Variants in MAP3K14 observed in about 807,000 individuals in gnomAD.
MAP3K14 encodes mitogen-activated protein kinase kinase kinase 14, also known as NF-kappa-beta-inducing kinase.
A neutral mutation model predicts 99.2 loss-of-function variants in MAP3K14; 16 were observed. That is an observed-to-expected ratio of 0.16 (90% CI 0.11 to 0.24). MAP3K14 has a LOEUF of 0.24. Ranked by LOEUF, MAP3K14 falls within the 10% of genes least tolerant of loss-of-function variation. The pLI, the probability that MAP3K14 is intolerant of heterozygous loss-of-function variation, is 1.00. For synonymous variants in MAP3K14, 462 were observed against 492.4 expected, an observed-to-expected ratio of 0.94 and a Z score of 0.82; for missense variants, 784 against 1,208.7, an observed-to-expected ratio of 0.65 and a Z score of 5.21.
At chr17:45,292,330 T>G (rs1054019178) in intron 1 of MAP3K14, among the ~76,000 whole-genome samples, 1 of 152,176 alleles carries the variant, frequency 6.6e-6, no homozygotes, top group Non-Finnish European at 1.5e-5. Context: ...TTTGGGAGGC[T>G]GAGGCAGAAG....
intron 4 of MAP3K14, 24 bp downstream of exon 4, chr17:45,287,130 T>G (rs1281723373): frequency 3.1e-6 from 5 of 1,608,432 alleles, no homozygotes; most frequent in Non-Finnish European, 4.3e-6. Context: ...ACCTGGGGTC[T>G]GGGCAGTGGG....
chr17:45,316,376 A>G (rs1391714198), intron 1 of MAP3K14, among the ~76,000 whole-genome samples: 1 of 152,216 alleles, frequency 6.6e-6, no homozygotes, highest in Non-Finnish European at 1.5e-5. Flanking sequence ...CCCGAGTTGG[A>G]GAGCCCAGAA....
intron 1 of MAP3K14, among the ~76,000 whole-genome samples, chr17:45,306,835 T>G (rs1195235515): frequency 6.6e-6 from 1 of 152,204 alleles, no homozygotes; most frequent in Non-Finnish European, 1.5e-5. Flanking sequence ...ACAGGGGGCA[T>G]CATGGATCCA....
chr17:45,294,978 A>G (rs1175899100), intron 1 of MAP3K14, among the ~76,000 whole-genome samples: 3 of 152,232 alleles, frequency 2.0e-5, no homozygotes, highest in Non-Finnish European at 4.4e-5. Flanking sequence ...TTCTGAGGTG[A>G]TGAGAGCGGT....
chr17:45,300,915 C>T (rs1567999902), intron 1 of MAP3K14, among the ~76,000 whole-genome samples: 1 of 152,114 alleles, frequency 6.6e-6, no homozygotes, highest in African/African-American at 2.4e-5. Context: ...GCCTGTAATA[C>T]CAGCACTTTG....
At chr17:45,316,379 G>C (rs1295125896) in intron 1 of MAP3K14, among the ~76,000 whole-genome samples, 1 of 152,228 alleles carries the variant, frequency 6.6e-6, no homozygotes, top group Non-Finnish European at 1.5e-5. Context: ...GAGTTGGAGA[G>C]CCCAGAAGAA....
intron 8 of MAP3K14, 110 bp downstream of exon 8, chr17:45,274,011 CAG>C: frequency 3.1e-6 from 4 of 1,289,222 alleles, no homozygotes; most frequent in Non-Finnish European, 4.3e-6. Context: ...CAGCCTGACT[CAG>C]GGCCTGCTAC....
intron 2 of MAP3K14, 106 bp downstream of exon 2, chr17:45,290,384 T>C: frequency 7.4e-7 from 1 of 1,352,524 alleles, no homozygotes; most frequent in Non-Finnish European, 1.0e-6. Flanking sequence ...GAATCTTATC[T>C]AGCAGTGACA....
intron 1 of MAP3K14, among the ~76,000 whole-genome samples, chr17:45,310,181 G>A (rs1463184533): frequency 6.6e-6 from 1 of 151,956 alleles, no homozygotes; most frequent in Non-Finnish European, 1.5e-5. Context: ...TTACAGGCAT[G>A]TGCCACCATG....
At chr17:45,268,594 G>C (rs995361146) in intron 11 of MAP3K14, 15 of 152,064 alleles carry the variant, frequency 9.9e-5, no homozygotes, top group African/African-American at 3.6e-4. Context: ...TTATGTTCTG[G>C]GTCCCATTCT....
In MAP3K14 at chr17:45,287,249, T is replaced by G; in HGVS notation, c.442A>C (p.Lys148Gln). The part of the protein sequence containing the change: ...RRSKARKKRK[K>Q]KSSKSLAHAG... ...TGAGCCAGGGACTTTGAGCTCTTCT[T>G]CTTCCGTTTCTTCCGGGCTTTGCTG... The change falls in exon 4 of 16, where the codon AAG becomes CAG. Residue 148 changes from lysine to glutamine, a missense_variant. By Grantham distance (53) the Lys-to-Gln change is moderately conservative. Around this residue, in one of 5 missense-constraint regions of MAP3K14, gnomAD observed 188 missense variants for 313.0 expected, o/e 0.60. Transcript: ENST00000344686. The G allele has an allele frequency of 6.2e-7, 1 of 1,614,022 alleles. No homozygotes were observed. Among genetic ancestry groups the G allele is most frequent in the Non-Finnish European group, 8.5e-7 (1 of 1,179,892 alleles).
At chr17:45,273,211 C>G (rs973142426) in intron 9 of MAP3K14, among the ~76,000 whole-genome samples, 1 of 152,200 alleles carries the variant, frequency 6.6e-6, no homozygotes, top group Admixed American at 6.5e-5. Flanking sequence ...AAAGGCCAGA[C>G]AAGAGGTAGG....
At chr17:45,307,063 GCCTGGC>G (rs2044435861) in intron 1 of MAP3K14, among the ~76,000 whole-genome samples, 1 of 152,154 alleles carries the variant, frequency 6.6e-6, no homozygotes, top group African/African-American at 2.4e-5. Flanking sequence ...ATCGAGACCA[GCCTGGC>G]CAACATGGCA....
At chr17:45,301,025 G>A (rs1309125052) in intron 1 of MAP3K14, among the ~76,000 whole-genome samples, 1 of 151,930 alleles carries the variant, frequency 6.6e-6, no homozygotes, top group African/African-American at 2.4e-5. Flanking sequence ...AAACTTAGCT[G>A]AGCATAGTCA....
chr17:45,267,156 T>G lies in MAP3K14; in HGVS notation c.2369A>C (p.Glu790Ala). Residue 790 changes from glutamate (E) to alanine (A), a missense_variant, in exon 13 of 16, where the codon GAG (glutamate) becomes GCG (alanine). Glu to Ala is a moderately radical substitution (Grantham distance 107). Around this residue, in one of 5 missense-constraint regions of MAP3K14, gnomAD observed 130 missense variants for 220.4 expected, o/e 0.59. Coordinates refer to ENST00000344686, the MANE Select transcript of MAP3K14 (RefSeq NM_003954.5). The surrounding 1 kb of genome is among the most constrained non-coding windows in gnomAD (Gnocchi z 5.1). ...NSLSQPFSLE[E>A]QEQILSCLSI... ...GAGGCACGAGAGAATTTGCTCCTGC[T>G]CCTCCAGAGAAAATGGCTGGGACAG... 6.2e-7 allele frequency: 1 copy of G among 1,602,660 alleles called. No homozygotes were observed. Among genetic ancestry groups the G allele is most frequent in the Non-Finnish European group, 8.5e-7 (1 of 1,174,550 alleles).
At chr17:45,281,332 G>A (rs1031735952) in intron 6 of MAP3K14, among the ~76,000 whole-genome samples, 31 of 148,642 alleles carry the variant, frequency 2.1e-4, no homozygotes, top group Admixed American at 1.7e-3. Flanking sequence ...GTGCCGCACC[G>A]CCTGATCTTT....
At chr17:45,291,911 C>A (rs1049833911) in intron 1 of MAP3K14, among the ~76,000 whole-genome samples, 2 of 152,254 alleles carry the variant, frequency 1.3e-5, no homozygotes, top group Non-Finnish European at 2.9e-5. Context: ...GCTTCTGGGG[C>A]AGACAGGTAC....
Position 45,270,653 on chromosome 17 carries a change from CCT to C in MAP3K14, c.1822-92_1822-91del, listed in dbSNP as rs751724975. 19 of 1,429,168 alleles carry C rather than the reference CCT, an allele frequency of 1.3e-5. No homozygotes were observed. The South Asian group carries it at 1.9e-4, about 14-fold the overall frequency. The allele number at this position is 1,429,168 out of a possible 1,614,324, so 88.5% of individuals were successfully genotyped here. A position where few individuals can be genotyped will look rare whatever the true frequency, so the allele number is the denominator to read the frequency against. ...GCTCTTTGCGCAACTCCCGCCGGCC[CCT>C]GTTCCCGCTGTGCTGGGGTCTACCA... On this transcript the variant is annotated intron_variant, in intron 10 of 15. Transcript: ENST00000344686.
intron 1 of MAP3K14, among the ~76,000 whole-genome samples, chr17:45,316,556 G>A (rs1261787916): frequency 6.6e-6 from 1 of 152,212 alleles, no homozygotes; most frequent in Admixed American, 6.5e-5. Flanking sequence ...GCAGATGCCA[G>A]GGCGCACTCC....
Sources: allele counts gnomAD v4.1 joint callset (sites outside exome capture counted in the v4.1 genomes callset), GRCh38; gene constraint gnomAD v4.1.1; regional missense constraint gnomAD v4.1.1; non-coding constraint Gnocchi (gnomAD v3.1); transcripts MANE v1.5; gene names NCBI Gene and HGNC (gene_info 2026-07-23, HGNC 2026-07-21).